PRELID2: variants seen among roughly 807,000 people sequenced by gnomAD.
The protein encoded by PRELID2 is PRELI domain containing 2.
PRELID2 carries 25 observed loss-of-function variants against 28.4 expected under a neutral mutation model. That is an observed-to-expected ratio of 0.88 (90% confidence interval 0.64 to 1.23). PRELID2 has a LOEUF of 1.23. Among genes scored for constraint, PRELID2 ranks in the 50% most tolerant of loss-of-function variants. The pLI is 0.00. For synonymous variants in PRELID2, 76 were observed against 71.6 expected, an observed-to-expected ratio of 1.06 and a Z score of -0.31; for missense variants, 201 against 214.4, an observed-to-expected ratio of 0.94 and a Z score of 0.39.
the PRELID2 span, among the ~76,000 whole-genome samples, chr5:145,270,303 G>C: frequency 6.6e-6 from 1 of 152,018 alleles, no homozygotes; most frequent in South Asian, 2.1e-4. Context: ...TCATTGTATA[G>C]CAGCTCAAAA....
chr5:145,419,550 G>C, the PRELID2 span, among the ~76,000 whole-genome samples: 3 of 132,356 alleles, frequency 2.3e-5, no homozygotes, highest in Non-Finnish European at 3.3e-5. Flanking sequence ...GTCTGTTCAT[G>C]TCCTTCGCCC....
the PRELID2 span, among the ~76,000 whole-genome samples, chr5:145,398,235 G>A: frequency 1.3e-5 from 2 of 152,106 alleles, no homozygotes; most frequent in Non-Finnish European, 2.9e-5. Context: ...AAATACAGAA[G>A]ATTTCATGTC....
At chr5:145,242,112 C>G in the PRELID2 span, among the ~76,000 whole-genome samples, 1 of 151,610 alleles carries the variant, frequency 6.6e-6, no homozygotes, top group East Asian at 1.9e-4. Flanking sequence ...TATTTGTTAC[C>G]AAAGGAAGGG....
the PRELID2 span, among the ~76,000 whole-genome samples, chr5:145,294,741 G>T: frequency 6.6e-6 from 1 of 152,140 alleles, no homozygotes; most frequent in Non-Finnish European, 1.5e-5. Context: ...TAGTTTAGGT[G>T]ATAGAACCAT....
At chr5:145,471,560 G>C (rs538965615), downstream of PRELID2, among the ~76,000 whole-genome samples, 1 of 151,754 alleles carries the variant, frequency 6.6e-6, no homozygotes, top group South Asian at 2.1e-4. Context: ...TGATAATATG[G>C]GTACCATAAT....
At chr5:145,416,985 G>T in the PRELID2 span, among the ~76,000 whole-genome samples, 5 of 151,446 alleles carry the variant, frequency 3.3e-5, no homozygotes, top group African/African-American at 1.2e-4. Flanking sequence ...TTAGTTTTTT[G>T]AAAAAATTAA....
intron 4 of PRELID2, among the ~76,000 whole-genome samples, chr5:145,817,147 C>T (rs1471597988): frequency 7.0e-6 from 1 of 142,462 alleles, no homozygotes; most frequent in Non-Finnish European, 1.5e-5. Flanking sequence ...GCCATGATTA[C>T]ACCACTGCAC....
At chr5:145,307,976 C>T in the PRELID2 span, among the ~76,000 whole-genome samples, 1 of 152,176 alleles carries the variant, frequency 6.6e-6, no homozygotes. Flanking sequence ...CTTCATTGCT[C>T]TAGCATTCTC....
Position 145,790,721 on chromosome 5 carries a change from GTATATATA to G in PRELID2, c.474+5713_474+5720del, listed in dbSNP as rs59779850. On this transcript the variant is annotated intron_variant, in intron 5 of 6. Transcript: ENST00000683046. Reference sequence around the variant, plus strand: ...CCACATTGTGTGTGTGTGTGTGTGTGTATATATATATATATATATATATATCAAAATGC... The same window carrying G: ...CCACATTGTGTGTGTGTGTGTGTGTGTATATATATATATATATCAAAATGC... Among the ~76,000 whole-genome samples the G allele has an allele frequency of 9.9e-5, 11 of 110,910 alleles. 1 individual carries two copies. The highest frequency in any genetic ancestry group is 5.1e-4 in the Admixed American group (5 of 9,876). The allele number at this position is 110,910 out of a possible 152,430, so 72.8% of individuals were successfully genotyped here. A position where few individuals can be genotyped will look rare whatever the true frequency, so the allele number is the denominator to read the frequency against.
At chr5:145,587,984 T>A (rs986210899) in intron 1 of PRELID2, among the ~76,000 whole-genome samples, 1 of 152,192 alleles carries the variant, frequency 6.6e-6, no homozygotes, top group Non-Finnish European at 1.5e-5. Flanking sequence ...AATTTCTTAA[T>A]TGATCATTTT....
the PRELID2 span, among the ~76,000 whole-genome samples, chr5:145,379,647 G>A: frequency 6.6e-6 from 1 of 152,126 alleles, no homozygotes; most frequent in Admixed American, 6.6e-5. Context: ...CGGGGAGCAG[G>A]GATGGAGCAC....
chr5:145,743,127 G>C (rs949149053), intron 1 of PRELID2, among the ~76,000 whole-genome samples: 12 of 152,050 alleles, frequency 7.9e-5, no homozygotes, highest in African/African-American at 2.9e-4. Context: ...AAAAGAATCT[G>C]GCCGGGCGCG....
intron 1 of PRELID2, chr5:145,728,617 C>A: frequency 9.2e-7 from 1 of 1,084,278 alleles, no homozygotes; most frequent in Non-Finnish European, 1.4e-6. Context: ...ACCACTGTAA[C>A]ATTATAGACT....
intron 1 of PRELID2, among the ~76,000 whole-genome samples, chr5:145,631,554 T>C (rs754820276): frequency 6.6e-6 from 1 of 152,154 alleles, no homozygotes; most frequent in Non-Finnish European, 1.5e-5. Context: ...ATCATATACA[T>C]TGTCTGCCCC....
intron 1 of PRELID2, among the ~76,000 whole-genome samples, chr5:145,701,413 T>A (rs191360352): frequency 1.3e-5 from 2 of 152,276 alleles, no homozygotes; most frequent in East Asian, 1.9e-4. Flanking sequence ...TAGAAAAAAA[T>A]TAATGTAATT....
At chr5:145,479,146 C>T (rs1458177295) in intron 1 of PRELID2, among the ~76,000 whole-genome samples, 1 of 152,164 alleles carries the variant, frequency 6.6e-6, no homozygotes, top group African/African-American at 2.4e-5. Context: ...TCCAATCAGA[C>T]CCTGCCAAAC....
intron 1 of PRELID2, among the ~76,000 whole-genome samples, chr5:145,574,868 G>A (rs1018429751): frequency 1.3e-5 from 2 of 152,084 alleles, no homozygotes; most frequent in African/African-American, 4.8e-5. Context: ...CTGTCATACT[G>A]TATTGTTTAG....
At chr5:145,833,959 C>T (rs1437104964) in intron 1 of PRELID2, among the ~76,000 whole-genome samples, 2 of 152,234 alleles carry the variant, frequency 1.3e-5, no homozygotes, top group South Asian at 2.1e-4. Context: ...GAACTAACCA[C>T]GCATAGAACC....
the PRELID2 span, among the ~76,000 whole-genome samples, chr5:145,262,494 C>A: frequency 6.6e-6 from 1 of 152,038 alleles, no homozygotes; most frequent in Non-Finnish European, 1.5e-5. Flanking sequence ...GATTTCTTAG[C>A]AGAAACCCTA....
Sources: gnomAD v4.1 joint callset for allele counts (sites outside exome capture counted in the v4.1 genomes callset) on GRCh38, gnomAD v4.1.1 for gene constraint, MANE v1.5 for transcripts, NCBI Gene and HGNC (gene_info 2026-07-23, HGNC 2026-07-21) for gene names.